Variants in SHC3 observed in about 807,000 individuals in gnomAD.
SHC3 encodes SHC-transforming protein 3.
Under a neutral mutation model 60.4 loss-of-function variants are expected in SHC3, and 15 were observed. The ratio of observed to expected loss-of-function variants is 0.25; its 90% CI spans 0.17 to 0.38. The LOEUF (loss-of-function observed/expected upper bound fraction) is 0.38, where lower values mean the gene tolerates loss of function less well. Ranked by LOEUF, SHC3 falls within the 10% of genes least tolerant of loss-of-function variation. The pLI, the probability that SHC3 is intolerant of heterozygous loss-of-function variation, is 1.00. For synonymous variants in SHC3, 294 were observed against 325.9 expected (o/e 0.90, Z 1.05); for missense variants, 677 against 786.1 (o/e 0.86, Z 1.66).
intron 2 of SHC3, among the ~76,000 whole-genome samples, chr9:89,086,546 T>C (rs1398533148): frequency 6.6e-6 from 1 of 152,246 alleles, no homozygotes; most frequent in African/African-American, 2.4e-5. Context: ...TGTTTAGCTG[T>C]CTAGCAGCTC....
chr9:89,085,594 C>A lies in SHC3; in HGVS notation c.546-7691G>T, dbSNP rs186836780. Among the ~76,000 whole-genome samples the A allele has an allele frequency of 7.9e-5, 12 of 152,330 alleles. No individual in the cohort carries two copies. The East Asian group carries it at 2.3e-3, about 29-fold the overall frequency. ...AGACAATAGAATTCCGAATGTAGCC[C>A]TGATGGGCAGTCCTGAGCCACACAG... On this transcript the variant is annotated intron_variant, in intron 2 of 11. Coordinates refer to ENST00000375835, the MANE Select transcript of SHC3 (RefSeq NM_016848.6).
At chr9:89,150,404 T>C (rs1014429911) in intron 1 of SHC3, among the ~76,000 whole-genome samples, 1 of 152,156 alleles carries the variant, frequency 6.6e-6, no homozygotes, top group Non-Finnish European at 1.5e-5. Flanking sequence ...ACTAATCTAC[T>C]TTCTGTCTCT....
At chr9:89,091,166 A>C (rs932994177) in intron 2 of SHC3, among the ~76,000 whole-genome samples, 4 of 152,256 alleles carry the variant, frequency 2.6e-5, no homozygotes, top group Non-Finnish European at 5.9e-5. Context: ...TGCACTGAAC[A>C]ATATGTTAGA....
intron 11 of SHC3, among the ~76,000 whole-genome samples, chr9:89,029,491 G>A (rs1824436855): frequency 6.6e-6 from 1 of 152,186 alleles, no homozygotes; most frequent in East Asian, 1.9e-4. Context: ...ACGCAAGGAT[G>A]AGAAAATTTA....
chr9:89,038,258 G>C lies in SHC3; in HGVS notation c.1391C>G (p.Pro464Arg), dbSNP rs1824617177. 6.2e-7 allele frequency: 1 copy of C among 1,613,448 alleles called. No homozygotes were observed. The highest frequency in any genetic ancestry group is 8.5e-7 in the Non-Finnish European group (1 of 1,179,862). The change falls in exon 11 of 12, where the codon CCC becomes CGC. Residue 464 changes from proline (P) to arginine (R), a missense_variant. By Grantham distance (103) the Pro-to-Arg change is moderately radical. Coordinates refer to ENST00000375835, the MANE Select transcript of SHC3 (RefSeq NM_016848.6). Reference sequence around the variant, plus strand: ...TGCCTTGCTTAACACGGGCCCCAAGGGCTGGTTCTTGAGAGCATCTTCAAA... The same window carrying C: ...TGCCTTGCTTAACACGGGCCCCAAGCGCTGGTTCTTGAGAGCATCTTCAAA... Reference protein sequence around the residue: ...KPFEDALKNQPLGPVLSKAAS... With the variant: ...KPFEDALKNQRLGPVLSKAAS...
Position 89,178,279 on chromosome 9 carries a change from G to T in SHC3, c.182C>A (p.Pro61His). Reference protein sequence around the residue: ...EALRKAPDDGPGSLGHLLHKV... With the variant: ...EALRKAPDDGHGSLGHLLHKV... Reference sequence around the variant, plus strand: ...GTGGAGCAGGTGGCCCAGGCTGCCGGGCCCATCGTCGGGCGCCTTGCGCAG... The same window carrying T: ...GTGGAGCAGGTGGCCCAGGCTGCCGTGCCCATCGTCGGGCGCCTTGCGCAG... Residue 61 changes from proline to histidine, a missense_variant, in exon 1 of 12, where the codon CCC (proline) becomes CAC (histidine). By Grantham distance (77) the Pro-to-His change is moderately conservative (BLOSUM62 -2). Coordinates refer to ENST00000375835, the MANE Select transcript of SHC3 (RefSeq NM_016848.6). This position sits in a 1 kb window ranked among gnomAD's most constrained non-coding sequence, Gnocchi z 6.9. The T allele has an allele frequency of 6.4e-7, 1 of 1,555,214 alleles. No individual in the cohort carries two copies. Among genetic ancestry groups the T allele is most frequent in the East Asian group, 2.5e-5 (1 of 40,062 alleles).
chr9:89,026,577 C>T (rs1826307793), intron 11 of SHC3, among the ~76,000 whole-genome samples: 1 of 152,216 alleles, frequency 6.6e-6, no homozygotes, highest in Non-Finnish European at 1.5e-5. Context: ...AGCTTGACCA[C>T]CCTGGGCACA....
intron 4 of SHC3, among the ~76,000 whole-genome samples, chr9:89,072,543 G>A (rs537262285): frequency 1.3e-5 from 2 of 152,194 alleles, no homozygotes; most frequent in South Asian, 2.1e-4. Context: ...GACAATCCAT[G>A]TTAATTTTGA....
At chr9:89,054,089 T>C (rs905756221) in intron 6 of SHC3, among the ~76,000 whole-genome samples, 1 of 152,112 alleles carries the variant, frequency 6.6e-6, no homozygotes, top group Non-Finnish European at 1.5e-5. Flanking sequence ...GAACGAAGAA[T>C]ACGATTTACT....
chr9:89,130,673 C>T (rs1826231314), intron 1 of SHC3, among the ~76,000 whole-genome samples: 1 of 152,168 alleles, frequency 6.6e-6, no homozygotes, highest in African/African-American at 2.4e-5. Context: ...CTACTGGGTA[C>T]ATAATGAAAT....
In SHC3 at chr9:89,112,621, C is replaced by A; in HGVS notation, c.480G>T (p.Leu160Phe). Reference protein sequence around the residue: ...GPGVTYVVKYLGCIEVLRSMR... With the variant: ...GPGVTYVVKYFGCIEVLRSMR... ...TTGAGCGCAGAACTTCAATGCACCC[C>A]AAGTACTGCAAGGGGAAAAAATGTA... Residue 160 changes from leucine to phenylalanine, a missense_variant, in exon 2 of 12, where the codon TTG (leucine) becomes TTT (phenylalanine). Leu to Phe is a conservative substitution (Grantham distance 22, BLOSUM62 0). Transcript: ENST00000375835. 6.3e-7 allele frequency: 1 copy of A among 1,587,020 alleles called. No homozygotes were observed. The highest frequency in any genetic ancestry group is 1.8e-5 in the Admixed American group (1 of 54,348).
chr9:89,074,691 CAAAAAAA>C (rs68051828), intron 4 of SHC3, among the ~76,000 whole-genome samples: 4 of 59,926 alleles, frequency 6.7e-5, no homozygotes, highest in Admixed American at 2.5e-4. Context: ...GCCACTAAAG[CAAAAAAA>C]AAAAAAAAAA....
At chr9:89,130,525 C>G (rs893414090) in intron 1 of SHC3, among the ~76,000 whole-genome samples, 1 of 152,198 alleles carries the variant, frequency 6.6e-6, no homozygotes, top group African/African-American at 2.4e-5. Context: ...TTAAAGCACT[C>G]CTCGGCAAAT....
intron 1 of SHC3, among the ~76,000 whole-genome samples, chr9:89,158,395 T>G (rs779072636): frequency 6.6e-6 from 1 of 152,218 alleles, no homozygotes; most frequent in Admixed American, 6.5e-5. Flanking sequence ...TGTATGACTT[T>G]AATTCTTTTA....
intron 1 of SHC3, among the ~76,000 whole-genome samples, chr9:89,119,300 GATAAAGT>G (rs1163924488): frequency 6.6e-6 from 1 of 152,016 alleles, no homozygotes; most frequent in Non-Finnish European, 1.5e-5. Flanking sequence ...GAAAGGCAAA[GATAAAGT>G]ATAAACATCA....
intron 1 of SHC3, among the ~76,000 whole-genome samples, chr9:89,153,932 A>G (rs1826584020): frequency 6.6e-6 from 1 of 152,144 alleles, no homozygotes; most frequent in Admixed American, 6.5e-5. Flanking sequence ...CCTTTCACAG[A>G]CATTCCCTTC....
At chr9:89,014,415 C>T (rs575963335) in intron 11 of SHC3, among the ~76,000 whole-genome samples, 2 of 152,278 alleles carry the variant, frequency 1.3e-5, no homozygotes, top group African/African-American at 2.4e-5. Flanking sequence ...GACACAATCT[C>T]CTGGGAGTTG....
intron 1 of SHC3, among the ~76,000 whole-genome samples, chr9:89,127,605 G>C (rs1429345558): frequency 6.6e-6 from 1 of 152,060 alleles, no homozygotes; most frequent in African/African-American, 2.4e-5. Flanking sequence ...GACTTTGGAG[G>C]GTGTCAGAAA....
At chr9:89,168,822 T>A (rs961532991) in intron 1 of SHC3, among the ~76,000 whole-genome samples, 2 of 152,278 alleles carry the variant, frequency 1.3e-5, no homozygotes, top group Non-Finnish European at 2.9e-5. Flanking sequence ...GTGGCCCTTG[T>A]CCAATCAGTT....
Sources: allele counts gnomAD v4.1 joint callset (sites outside exome capture counted in the v4.1 genomes callset), GRCh38; gene constraint gnomAD v4.1.1; non-coding constraint Gnocchi (gnomAD v3.1); transcripts MANE v1.5; gene names NCBI Gene and HGNC (gene_info 2026-07-23, HGNC 2026-07-21).